The following GABRG3 variants were observed in gnomAD, a reference collection of about 807,000 sequenced individuals.
The protein encoded by GABRG3 is gamma-aminobutyric acid receptor subunit gamma-3.
Under a neutral mutation model 48.8 loss-of-function variants are expected in GABRG3, and 25 were observed. That is an observed-to-expected ratio of 0.51 (90% confidence interval 0.37 to 0.72). The LOEUF is 0.72. Among genes scored for constraint, GABRG3 ranks in the 30% least tolerant of loss-of-function variants. The probability of loss-of-function intolerance (pLI) is 0.00; values close to 1 mark genes in which losing one functional copy is unlikely to be tolerated. For missense variants in GABRG3, 394 were observed against 577.9 expected, an observed-to-expected ratio of 0.68 and a Z score of 3.26; for synonymous variants, 227 against 217.6, an observed-to-expected ratio of 1.04 and a Z score of -0.38.
chr15:27,023,110 A>G (rs150153442), intron 2 of GABRG3, among the ~76,000 whole-genome samples: 82 of 152,334 alleles, frequency 5.4e-4, no homozygotes, highest in African/African-American at 1.8e-3. Flanking sequence ...GTAGAATTCA[A>G]AGGAAGAATC....
chr15:27,513,172 G>A (rs546630015), intron 6 of GABRG3, among the ~76,000 whole-genome samples: 1 of 152,096 alleles, frequency 6.6e-6, no homozygotes, highest in East Asian at 1.9e-4. Flanking sequence ...CCACGGACAG[G>A]CGCAGTAGCT....
Position 27,149,736 on chromosome 15 carries a change from C to G in GABRG3, c.270+122915C>G, listed in dbSNP as rs74340287. On this transcript the variant is annotated intron_variant, in intron 3 of 9. Coordinates refer to ENST00000615808, the MANE Select transcript of GABRG3 (RefSeq NM_033223.5). Reference sequence around the variant, plus strand: ...TCTCTCGTAGAACCTCCGGAAGGAGCACAATCCTGCCAAAACCTTGATTTT... The same window carrying G: ...TCTCTCGTAGAACCTCCGGAAGGAGGACAATCCTGCCAAAACCTTGATTTT... Among the ~76,000 whole-genome samples, 52 of 152,266 alleles carry G rather than the reference C, an allele frequency of 3.4e-4. No individual in the cohort carries two copies. The East Asian group carries it at 7.0e-3, about 20-fold the overall frequency.
At chr15:27,164,253 A>G (rs974754260) in intron 3 of GABRG3, among the ~76,000 whole-genome samples, 22 of 152,162 alleles carry the variant, frequency 1.4e-4, no homozygotes, top group African/African-American at 5.3e-4. Context: ...TCTTTTGCCA[A>G]TCCTTTGAAA....
chr15:27,502,700 T>C (rs149013787), intron 6 of GABRG3, among the ~76,000 whole-genome samples: 164 of 152,342 alleles, frequency 1.1e-3, no homozygotes, highest in African/African-American at 3.8e-3. Context: ...AACCCCCTCT[T>C]TGGGTTTGAT....
chr15:27,218,791 A>G (rs1889352047), intron 3 of GABRG3, among the ~76,000 whole-genome samples: 1 of 152,188 alleles, frequency 6.6e-6, no homozygotes, highest in African/African-American at 2.4e-5. Flanking sequence ...GACTGATGGT[A>G]ATGGGTGGTG....
intron 5 of GABRG3, chr15:27,350,224 C>A: frequency 2.2e-6 from 1 of 455,144 alleles, no homozygotes; most frequent in Non-Finnish European, 4.4e-6. Flanking sequence ...CTCGGAGACT[C>A]GCTTCCATTC....
chr15:27,524,502 C>T (rs1891229628), intron 7 of GABRG3, among the ~76,000 whole-genome samples: 1 of 151,940 alleles, frequency 6.6e-6, no homozygotes, highest in South Asian at 2.1e-4. Context: ...TTCTAAATTA[C>T]TTATAATGGT....
At chr15:27,495,435 A>C (rs546499686) in intron 6 of GABRG3, among the ~76,000 whole-genome samples, 13 of 152,326 alleles carry the variant, frequency 8.5e-5, no homozygotes, top group African/African-American at 3.1e-4. Context: ...GAACATGGGT[A>C]TGCAAATATC....
intron 2 of GABRG3, among the ~76,000 whole-genome samples, chr15:26,982,768 G>A (rs1156350082): frequency 6.6e-6 from 1 of 152,178 alleles, no homozygotes. Context: ...AACATGCTCT[G>A]TGCTTTGTGA....
intron 3 of GABRG3, among the ~76,000 whole-genome samples, chr15:27,230,539 T>G (rs1175919313): frequency 6.6e-6 from 1 of 152,214 alleles, no homozygotes; most frequent in Non-Finnish European, 1.5e-5. Flanking sequence ...GAAATATGTG[T>G]TCTATATGCA....
At chr15:26,979,249 C>T (rs1895008130) in intron 2 of GABRG3, among the ~76,000 whole-genome samples, 1 of 151,960 alleles carries the variant, frequency 6.6e-6, no homozygotes, top group Non-Finnish European at 1.5e-5. Flanking sequence ...TTGTAGGTTC[C>T]TTGGCATTTT....
At chr15:27,103,922 A>C (rs1186862735) in intron 3 of GABRG3, among the ~76,000 whole-genome samples, 1 of 152,216 alleles carries the variant, frequency 6.6e-6, no homozygotes. Context: ...CTCTTTTGAC[A>C]TATCTGTTTC....
intron 4 of GABRG3, among the ~76,000 whole-genome samples, chr15:27,327,463 G>A (rs549117040): frequency 7.9e-5 from 12 of 152,248 alleles, no homozygotes; most frequent in Non-Finnish European, 1.6e-4. Flanking sequence ...TGGAGTCAGG[G>A]AAGTCTTCGA....
chr15:27,439,149 G>A (rs1015940881), intron 5 of GABRG3, among the ~76,000 whole-genome samples: 1 of 152,162 alleles, frequency 6.6e-6, no homozygotes, highest in African/African-American at 2.4e-5. Flanking sequence ...TCCATTTCCT[G>A]TGGTTGATCT....
At chr15:27,307,181 A>G (rs1182378988) in intron 3 of GABRG3, among the ~76,000 whole-genome samples, 1 of 138,486 alleles carries the variant, frequency 7.2e-6, no homozygotes, top group Non-Finnish European at 1.5e-5. Context: ...CATAATATAT[A>G]AACATGTTTA....
At chr15:27,106,197 GA>G (rs1448406078) in intron 3 of GABRG3, among the ~76,000 whole-genome samples, 5 of 152,056 alleles carry the variant, frequency 3.3e-5, no homozygotes, top group Non-Finnish European at 7.4e-5. Flanking sequence ...CAAGTTTCTA[GA>G]CGTCTAATGC....
intron 9 of GABRG3, among the ~76,000 whole-genome samples, chr15:27,529,821 G>C (rs73373612): frequency 0.086 from 2,588 of 30,236 alleles, 85 homozygotes; most frequent in African/African-American, 0.23. Flanking sequence ...AAATGATGCT[G>C]CCAAAAGAAG....
At chr15:27,056,353 C>CA (rs58665097) in intron 3 of GABRG3, among the ~76,000 whole-genome samples, 1,611 of 56,298 alleles carry the variant, frequency 0.029, 32 homozygotes, top group African/African-American at 0.066. Flanking sequence ...ACCCTGTCTC[C>CA]AAAAAAAAAA....
intron 3 of GABRG3, among the ~76,000 whole-genome samples, chr15:27,325,515 C>T (rs1475521428): frequency 6.6e-6 from 1 of 152,218 alleles, no homozygotes; most frequent in Non-Finnish European, 1.5e-5. Flanking sequence ...TCCATAATTC[C>T]TCCTCTGCTG....
Sources: allele counts gnomAD v4.1 joint callset (sites outside exome capture counted in the v4.1 genomes callset), GRCh38; gene constraint gnomAD v4.1.1; transcripts MANE v1.5; gene names NCBI Gene and HGNC (gene_info 2026-07-23, HGNC 2026-07-21).